The following PGCKA1 variants were observed in gnomAD, a reference collection of about 807,000 sequenced individuals.
PGCKA1 encodes the protein PDCD10 and GCKIII kinases associated 1, also known as PDCD10 and GCKIII kinases-associated protein 1.
chr4:37,539,653 C>CAAAAAA, the PGCKA1 span, among the ~76,000 whole-genome samples: 1 of 152,164 alleles, frequency 6.6e-6, no homozygotes, highest in Non-Finnish European at 1.5e-5. Context: ...GACTCCGTCT[C>CAAAAAA]AAAATAAGAA....
At chr4:37,549,066 A>C in the PGCKA1 span, among the ~76,000 whole-genome samples, 119,033 of 151,794 alleles carry the variant, frequency 0.78, 46,995 homozygotes, top group African/African-American at 0.88. Context: ...TGCAGGTCAG[A>C]CCCGAGGGCC....
chr4:37,502,184 C>T, the PGCKA1 span, among the ~76,000 whole-genome samples: 1 of 152,188 alleles, frequency 6.6e-6, no homozygotes, highest in East Asian at 1.9e-4. Context: ...GCAGCAGGCT[C>T]CATCCTCATT....
chr4:37,592,510 G>A, the PGCKA1 span, among the ~76,000 whole-genome samples: 7 of 152,248 alleles, frequency 4.6e-5, no homozygotes, highest in African/African-American at 1.7e-4. Flanking sequence ...GCCCTCTCTG[G>A]ATTTCAGCCT....
chr4:37,579,231 T>A, the PGCKA1 span, among the ~76,000 whole-genome samples: 1 of 152,228 alleles, frequency 6.6e-6, no homozygotes, highest in Non-Finnish European at 1.5e-5. Flanking sequence ...ACAGTCTATG[T>A]CTTGAAAAAT....
the PGCKA1 span, among the ~76,000 whole-genome samples, chr4:37,461,561 G>A: frequency 3.6e-4 from 54 of 152,068 alleles, no homozygotes; most frequent in Admixed American, 7.9e-4. Context: ...TTCTAGGCAG[G>A]GAGAACAGTG....
the PGCKA1 span, among the ~76,000 whole-genome samples, chr4:37,481,264 A>G: frequency 2.0e-5 from 3 of 151,922 alleles, no homozygotes; most frequent in Non-Finnish European, 2.9e-5. Context: ...GATCAAGACT[A>G]TCCTGGCCAA....
the PGCKA1 span, among the ~76,000 whole-genome samples, chr4:37,502,725 C>A: frequency 6.6e-6 from 1 of 152,112 alleles, no homozygotes; most frequent in African/African-American, 2.4e-5. Context: ...CAGGGAGATG[C>A]TGCAGCTGCA....
chr4:37,531,264 C>T, the PGCKA1 span, among the ~76,000 whole-genome samples: 5 of 152,282 alleles, frequency 3.3e-5, no homozygotes, highest in African/African-American at 1.2e-4. Flanking sequence ...CTCAAAGTCA[C>T]ATGACTATGG....
chr4:37,516,103 A>G, the PGCKA1 span, among the ~76,000 whole-genome samples: 1 of 152,232 alleles, frequency 6.6e-6, no homozygotes, highest in Non-Finnish European at 1.5e-5. Context: ...CTATTTAGGT[A>G]TGGAATTTAA....
chr4:37,537,631 C>T, the PGCKA1 span, among the ~76,000 whole-genome samples: 3 of 152,276 alleles, frequency 2.0e-5, no homozygotes, highest in African/African-American at 7.2e-5. Context: ...GAGATAGTGT[C>T]AGGAGCCTAC....
the PGCKA1 span, among the ~76,000 whole-genome samples, chr4:37,547,541 G>T: frequency 6.6e-6 from 1 of 152,184 alleles, no homozygotes; most frequent in African/African-American, 2.4e-5. Context: ...TTAGAACTTT[G>T]TGTGAAATAG....
chr4:37,578,016 A>G, the PGCKA1 span, among the ~76,000 whole-genome samples: 4 of 152,216 alleles, frequency 2.6e-5, no homozygotes, highest in Non-Finnish European at 2.9e-5. Flanking sequence ...AAGAATGTAC[A>G]TTCTACAGCA....
chr4:37,492,202 AT>A, the PGCKA1 span, among the ~76,000 whole-genome samples: 3 of 151,774 alleles, frequency 2.0e-5, no homozygotes, highest in African/African-American at 7.3e-5. The surrounding 1 kb of genome is among the most constrained non-coding windows in gnomAD (Gnocchi z 4.7). Context: ...CCACCACTGA[AT>A]TTTTTAACAA....
At chr4:37,491,909 T>C in the PGCKA1 span, among the ~76,000 whole-genome samples, 21 of 152,268 alleles carry the variant, frequency 1.4e-4, no homozygotes, top group African/African-American at 4.8e-4. Context: ...GGTTTTTATA[T>C]AATGCTATCA....
chr4:37,458,445 A>G, the PGCKA1 span, among the ~76,000 whole-genome samples: 1 of 151,154 alleles, frequency 6.6e-6, no homozygotes, highest in Non-Finnish European at 1.5e-5. Flanking sequence ...GCTTCTGTAG[A>G]TAAGCAGTTT....
chr4:37,561,851 C>T, the PGCKA1 span, among the ~76,000 whole-genome samples: 1 of 152,170 alleles, frequency 6.6e-6, no homozygotes, highest in Admixed American at 6.5e-5. Context: ...ACTTTATTTG[C>T]ATATGTATTG....
the PGCKA1 span, among the ~76,000 whole-genome samples, chr4:37,573,662 A>G: frequency 6.6e-6 from 1 of 152,188 alleles, no homozygotes; most frequent in East Asian, 1.9e-4. Context: ...TAAAGATACC[A>G]TATTTAAGAG....
the PGCKA1 span, among the ~76,000 whole-genome samples, chr4:37,539,384 C>T: frequency 6.6e-6 from 1 of 152,158 alleles, no homozygotes; most frequent in East Asian, 1.9e-4. Flanking sequence ...CAGCCGGGCG[C>T]GGTGGCTCAC....
chr4:37,456,316 C>T, the PGCKA1 span, among the ~76,000 whole-genome samples: 3 of 152,188 alleles, frequency 2.0e-5, no homozygotes, highest in African/African-American at 7.2e-5. Context: ...AATGAAATCG[C>T]TCATCTACTT....
Sources: gnomAD v4.1 joint callset for allele counts (sites outside exome capture counted in the v4.1 genomes callset) on GRCh38, gnomAD v4.1.1 for gene constraint, Gnocchi (gnomAD v3.1) non-coding constraint, MANE v1.5 for transcripts, NCBI Gene and HGNC (gene_info 2026-07-23, HGNC 2026-07-21) for gene names.